Variants in UBA6 observed in about 807,000 individuals in gnomAD.
UBA6 encodes ubiquitin like modifier activating enzyme 6.
UBA6 carries 87 observed loss-of-function variants against 148.3 expected under a neutral mutation model. That is an observed-to-expected ratio of 0.59 (90% confidence interval 0.49 to 0.70). The LOEUF is 0.70. Among genes scored for constraint, UBA6 ranks in the 30% least tolerant of loss-of-function variants. The pLI, the probability that UBA6 is intolerant of heterozygous loss-of-function variation, is 0.00. For synonymous variants in UBA6, 376 were observed against 401.0 expected, an observed-to-expected ratio of 0.94 and a Z score of 0.75; for missense variants, 1,186 against 1,241.2, an observed-to-expected ratio of 0.96 and a Z score of 0.67.
At chr4:67,687,921 T>C (rs1164133842) in intron 2 of UBA6, among the ~76,000 whole-genome samples, 1 of 151,778 alleles carries the variant, frequency 6.6e-6, no homozygotes, top group African/African-American at 2.4e-5. Context: ...AAAAGAAAAA[T>C]CCTAAAGTTG....
At chr4:67,700,999 G>A (rs769283353) in intron 1 of UBA6, 50 bp downstream of exon 1, 21 of 1,597,418 alleles carry the variant, frequency 1.3e-5, no homozygotes, top group Non-Finnish European at 1.8e-5. Context: ...GAAACCCGGA[G>A]CCTGGGTCCC....
rs1486873833 is a variant in UBA6 at position 67,670,595 on chromosome 4, G to GTAAAA, written c.547-8_547-4dup. On this transcript the variant is annotated splice_polypyrimidine_tract_variant and splice_region_variant and intron_variant, in intron 7 of 32. Coordinates refer to ENST00000322244, the MANE Select transcript of UBA6 (RefSeq NM_018227.6). ...CCATGTACATCTGCACTGATAAACTGTAAAATGGCAAAAACAAGTTCAATC... is the reference window on the plus strand; with the variant it reads ...CCATGTACATCTGCACTGATAAACTGTAAAATAAAATGGCAAAAACAAGTTCAATC... 2.5e-6 allele frequency: 4 copies of GTAAAA among 1,599,884 alleles called. No homozygotes were observed. The South Asian group carries it at 4.5e-5, about 18-fold the overall frequency.
rs201515884 is a variant in UBA6 at position 67,639,017 on chromosome 4, A to G, written c.1662T>C (p.Asn554=). 6 of 1,612,888 alleles carry G rather than the reference A, an allele frequency of 3.7e-6. No homozygotes were observed. The highest frequency in any genetic ancestry group is 4.5e-5 in the East Asian group (2 of 44,810). ...KVCPTTETIY[N]DEFYTKQDVI... ...CATCTTGTTTAGTATAGAACTCATC[A>G]TTGTAAATGGTCTCAGTGGTTGGAC... The change falls in exon 19 of 33, where the codon AAT becomes AAC. Residue 554 remains asparagine, a synonymous_variant. Coordinates refer to ENST00000322244, the MANE Select transcript of UBA6 (RefSeq NM_018227.6).
In UBA6 at chr4:67,668,570, T is replaced by A. The variant is rs145010992; in HGVS notation, c.774A>T (p.Gly258=). ...REINGMTGLN[G]SIQQITVISP... ...ACTTACCCGTTATTTGTTGTATAGATCCATTTAAACCTGTCATTCCATTAA... is the reference window on the plus strand; with the variant it reads ...ACTTACCCGTTATTTGTTGTATAGAACCATTTAAACCTGTCATTCCATTAA... The change falls in exon 9 of 33, where the codon GGA becomes GGT. Residue 258 remains glycine, a synonymous_variant. Coordinates refer to ENST00000322244, the MANE Select transcript of UBA6 (RefSeq NM_018227.6). 2 of 1,612,006 alleles carry A rather than the reference T, an allele frequency of 1.2e-6. No individual in the cohort carries two copies. Among genetic ancestry groups the A allele is most frequent in the African/African-American group, 1.3e-5 (1 of 74,872 alleles).
At chr4:67,650,443 A>T (rs1415856754) in intron 13 of UBA6, among the ~76,000 whole-genome samples, 1 of 152,242 alleles carries the variant, frequency 6.6e-6, no homozygotes. Context: ...GTACACAAAC[A>T]TCTAAATTTT....
chr4:67,676,991 T>C (rs1730295841), intron 6 of UBA6, among the ~76,000 whole-genome samples: 1 of 152,192 alleles, frequency 6.6e-6, no homozygotes, highest in Admixed American at 6.5e-5. Context: ...AATTGTTACC[T>C]ATAATAGATT....
chr4:67,636,627 T>C (rs13112776), intron 19 of UBA6, among the ~76,000 whole-genome samples: 59,050 of 152,136 alleles, frequency 0.39, 11,566 homozygotes, highest in Middle Eastern at 0.51. Flanking sequence ...CTCCTAACAG[T>C]GAGTGATCTG....
intron 13 of UBA6, among the ~76,000 whole-genome samples, chr4:67,651,951 G>A (rs1442397702): frequency 6.6e-6 from 1 of 152,120 alleles, no homozygotes; most frequent in Non-Finnish European, 1.5e-5. Flanking sequence ...ACAAAAGAGT[G>A]CATAAAATTA....
At chr4:67,684,300 T>A (rs191715292) in intron 2 of UBA6, among the ~76,000 whole-genome samples, 12 of 152,316 alleles carry the variant, frequency 7.9e-5, no homozygotes, top group Non-Finnish European at 1.0e-4. Context: ...CTTTTTTTTC[T>A]AGTTACCTGA....
intron 14 of UBA6, among the ~76,000 whole-genome samples, chr4:67,647,589 A>G (rs1232727012): frequency 6.6e-6 from 1 of 152,140 alleles, no homozygotes; most frequent in Non-Finnish European, 1.5e-5. Context: ...CTAGGAAACC[A>G]AAATTTCAGC....
In UBA6 at chr4:67,618,929, T is replaced by C. The variant is rs1225450081; in HGVS notation, c.*68A>G. Reference sequence around the variant, plus strand: ...CATAGTATTATGAACTGATTTTCTTTAGCTTCTGAATTAAGTGCACTCTTT... The same window carrying C: ...CATAGTATTATGAACTGATTTTCTTCAGCTTCTGAATTAAGTGCACTCTTT... On this transcript the variant is annotated 3_prime_UTR_variant, in exon 33 of 33. Transcript: ENST00000322244. 29 of 1,491,014 alleles carry C rather than the reference T, an allele frequency of 1.9e-5. No individual in the cohort carries two copies. Among genetic ancestry groups the C allele is most frequent in the East Asian group, 6.9e-5 (3 of 43,724 alleles). The allele number at this position is 1,491,014 out of a possible 1,614,324, so 92.4% of individuals were successfully genotyped here. A position where few individuals can be genotyped will look rare whatever the true frequency, so the allele number is the denominator to read the frequency against.
intron 6 of UBA6, among the ~76,000 whole-genome samples, chr4:67,675,989 GTATGGCCAT>G (rs1210871321): frequency 2.7e-5 from 4 of 148,770 alleles, no homozygotes; most frequent in East Asian, 2.0e-4. Flanking sequence ...GCACTTTAGG[GTATGGCCAT>G]TATGGCCATT....
At chr4:67,646,631 G>T in intron 15 of UBA6, 93 bp downstream of exon 15, 1 of 863,384 alleles carries the variant, frequency 1.2e-6, no homozygotes, top group Non-Finnish European at 1.8e-6. Context: ...AAAGTGATTT[G>T]GGAGAAAAGA....
chr4:67,654,555 A>G (rs868430454), intron 13 of UBA6, among the ~76,000 whole-genome samples: 2 of 152,236 alleles, frequency 1.3e-5, no homozygotes, highest in South Asian at 2.1e-4. Context: ...ATGGAAAGGA[A>G]TAACTGGTAC....
Position 67,631,647 on chromosome 4 carries a change from A to AG in UBA6, c.2258+60dup. On this transcript the variant is annotated intron_variant, in intron 25 of 32. Coordinates refer to ENST00000322244, the MANE Select transcript of UBA6 (RefSeq NM_018227.6). ...GTTTTCACTCTGCAATGTACAGTTA[A>AG]GGAATTTACAGTAAAGAAATATATA... 2.4e-6 allele frequency: 3 copies of AG among 1,258,870 alleles called. No homozygotes were observed. In the South Asian group the frequency reaches 4.0e-5, roughly 17 times the overall value. The allele number at this position is 1,258,870 out of a possible 1,614,324, so 78.0% of individuals were successfully genotyped here.
chr4:67,691,101 T>A (rs1167989634), intron 2 of UBA6, among the ~76,000 whole-genome samples: 1 of 152,060 alleles, frequency 6.6e-6, no homozygotes, highest in East Asian at 1.9e-4. Context: ...TTTTTTTCAA[T>A]AAATATACTG....
intron 13 of UBA6, among the ~76,000 whole-genome samples, chr4:67,652,922 G>C (rs147069599): frequency 0.019 from 2,950 of 152,348 alleles, 72 homozygotes; most frequent in East Asian, 0.1. Context: ...CTTGCTCACT[G>C]CTAGCGCAGC....
intron 29 of UBA6, 30 bp from the exon 30 acceptor site, chr4:67,624,283 A>G (rs777995878): frequency 9.0e-6 from 14 of 1,554,076 alleles, no homozygotes; most frequent in South Asian, 1.2e-5. Context: ...CTGATAATAT[A>G]AACAGCCTAA....
chr4:67,693,438 T>C (rs1204218075), intron 2 of UBA6, among the ~76,000 whole-genome samples: 2 of 152,216 alleles, frequency 1.3e-5, no homozygotes, highest in Non-Finnish European at 2.9e-5. Context: ...GCTATTAGCA[T>C]TTAAGCTTTG....
Sources: allele counts gnomAD v4.1 joint callset (sites outside exome capture counted in the v4.1 genomes callset), GRCh38; gene constraint gnomAD v4.1.1; transcripts MANE v1.5; gene names NCBI Gene and HGNC (gene_info 2026-07-23, HGNC 2026-07-21).